TRIM25: variants seen among roughly 807,000 people sequenced by gnomAD.
The protein encoded by TRIM25 is E3 ubiquitin/ISG15 ligase TRIM25.
Under a neutral mutation model 65.2 loss-of-function variants are expected in TRIM25, and 45 were observed. The observed-to-expected ratio is 0.69, with a 90% CI of 0.54 to 0.89. The LOEUF is 0.89. Ranked by LOEUF, TRIM25 falls within the 40% of genes least tolerant of loss-of-function variation. The probability of loss-of-function intolerance (pLI) is 0.00; values close to 1 mark genes in which losing one functional copy is unlikely to be tolerated. For missense variants in TRIM25, 714 were observed against 803.7 expected, an observed-to-expected ratio of 0.89 and a Z score of 1.35; for synonymous variants, 321 against 340.4, an observed-to-expected ratio of 0.94 and a Z score of 0.63.
rs1456507108 is a variant in TRIM25, at chr17:56,890,643, G to T, written c.*1057C>A. ...CTGTCTGCATGATAGCAGGCTTCAG[G>T]GATCCAGCTTAGCTGGAGGCTTGAC... On this transcript the variant is annotated 3_prime_UTR_variant, in exon 9 of 9. Transcript: ENST00000316881. 2.2e-6 allele frequency: 1 copy of T among 456,510 alleles called. No individual in the cohort carries two copies. The highest frequency in any genetic ancestry group is 4.4e-6 in the Non-Finnish European group (1 of 226,960). The allele number at this position is 456,510 out of a possible 1,614,324, so 28.3% of individuals were successfully genotyped here. A position where few individuals can be genotyped will look rare whatever the true frequency, so the allele number is the denominator to read the frequency against.
intron 6 of TRIM25, 68 bp downstream of exon 6, chr17:56,895,858 C>T: frequency 6.3e-7 from 1 of 1,579,852 alleles, no homozygotes; most frequent in Non-Finnish European, 8.6e-7. Flanking sequence ...TCGACTCTCA[C>T]TACCAGCATT....
chr17:56,908,794 T>C (rs1192014579), intron 1 of TRIM25: 1 of 491,412 alleles, frequency 2.0e-6, no homozygotes, highest in Non-Finnish European at 3.7e-6. Context: ...AGGGTTCCAG[T>C]CCCAACTCCC....
At chr17:56,899,823 T>C (rs1909374553) in intron 4 of TRIM25, among the ~76,000 whole-genome samples, 1 of 152,204 alleles carries the variant, frequency 6.6e-6, no homozygotes, top group South Asian at 2.1e-4. Context: ...CTCAAGCCTG[T>C]AATCCCAATG....
intron 8 of TRIM25, among the ~76,000 whole-genome samples, chr17:56,893,920 A>C (rs1909234827): frequency 6.6e-6 from 1 of 152,238 alleles, no homozygotes; most frequent in African/African-American, 2.4e-5. Context: ...GGCAGGACAG[A>C]GGTCAGAATG....
chr17:56,905,803 A>G (rs1488267441), intron 2 of TRIM25, among the ~76,000 whole-genome samples: 3 of 152,114 alleles, frequency 2.0e-5, no homozygotes, highest in Non-Finnish European at 4.4e-5. Context: ...ACAAAAATAA[A>G]AATAAAAAAA....
In TRIM25 at chr17:56,890,988, C is replaced by T; in HGVS notation, c.*712G>A. On this transcript the variant is annotated 3_prime_UTR_variant, in exon 9 of 9. Coordinates refer to ENST00000316881, the MANE Select transcript of TRIM25 (RefSeq NM_005082.5). ...TCACCATGACCCTGAATCACAAATC[C>T]AACACAGGCTGATTCCAATCATGGT... 9.1e-6 allele frequency: 4 copies of T among 441,282 alleles called. No homozygotes were observed. The highest frequency in any genetic ancestry group is 1.8e-5 in the Non-Finnish European group (4 of 217,616). The allele number at this position is 441,282 out of a possible 1,614,324, so 27.3% of individuals were successfully genotyped here.
At chr17:56,904,222 A>C (rs184330877) in intron 3 of TRIM25, 33 bp downstream of exon 3, 13 of 1,571,698 alleles carry the variant, frequency 8.3e-6, no homozygotes, top group East Asian at 2.2e-5. Context: ...AAAAAAAAAA[A>C]AAAACATTCA....
Position 56,899,295 on chromosome 17 carries a change from G to A in TRIM25, c.1088-115C>T, listed in dbSNP as rs150632134. ...GTTTACACAGACAGCCATTTCCTCC[G>A]ACCTTCCCCATCCCATCGCTTACAA... On this transcript the variant is annotated intron_variant, in intron 4 of 8. Transcript: ENST00000316881. 76 of 985,466 alleles carry A rather than the reference G, an allele frequency of 7.7e-5. No homozygotes were observed. In the African/African-American group the frequency reaches 8.3e-4, roughly 11 times the overall value. 61.0% of individuals were successfully genotyped at this position (985,466 alleles called of 1,614,324 possible). A position where few individuals can be genotyped will look rare whatever the true frequency, so the allele number is the denominator to read the frequency against.
At position 56,891,087 on chromosome 17, in the gene TRIM25, G is replaced by A. The variant is rs1396976833; in HGVS notation, c.*613C>T. ...GGCGATGGGTGTGCAGGGTAGGAAG[G>A]GAACGCACTATTTTCCAGTGGAGGA... is the stretch of plus-strand genomic sequence containing the variant. On this transcript the variant is annotated 3_prime_UTR_variant, in exon 9 of 9. Coordinates refer to ENST00000316881, the MANE Select transcript of TRIM25 (RefSeq NM_005082.5). 5.4e-6 allele frequency: 2 copies of A among 370,010 alleles called. No individual in the cohort carries two copies. The highest frequency in any genetic ancestry group is 6.9e-5 in the Admixed American group (2 of 28,982). The allele number at this position is 370,010 out of a possible 1,614,324, so 22.9% of individuals were successfully genotyped here.
intron 5 of TRIM25, among the ~76,000 whole-genome samples, chr17:56,898,668 G>T (rs973117797): frequency 3.3e-5 from 5 of 152,096 alleles, no homozygotes; most frequent in Non-Finnish European, 7.4e-5. Flanking sequence ...TTTCTCAAAT[G>T]GTTCTGGGGA....
chr17:56,901,456 C>G lies in TRIM25; in HGVS notation c.1050G>C (p.Gln350His). The G allele has an allele frequency of 6.2e-7, 1 of 1,614,156 alleles. No homozygotes were observed. The highest frequency in any genetic ancestry group is 8.5e-7 in the Non-Finnish European group (1 of 1,180,024). Residue 350 changes from glutamine to histidine, a missense_variant, in exon 4 of 9, where the codon CAG (glutamine) becomes CAC (histidine). Physicochemically the swap from Gln to His is conservative, Grantham distance 24 (BLOSUM62 0). Coordinates refer to ENST00000316881, the MANE Select transcript of TRIM25 (RefSeq NM_005082.5). ...TGGGCTCCTGGAGCCGCCCGATGCA[C>G]TGCTTCAGCTCGTTTTTGAGGTCTA... ...STIDLKNELK[Q>H]CIGRLQEPTP...
Position 56,899,164 on chromosome 17 carries a change from A to G in TRIM25, c.1104T>C (p.His368=), listed in dbSNP as rs759955328. ...TGGATTTGTGTGTGGACGCTGGGTC[A>G]TGCTCTCCAGGGTCACCTGTGTCAG... ...PTPSSGDPGE[H]DPASTHKSTR... Residue 368 remains histidine (H), a synonymous_variant, in exon 5 of 9, where the codon CAT becomes CAC. Coordinates refer to ENST00000316881, the MANE Select transcript of TRIM25 (RefSeq NM_005082.5). 1.2e-6 allele frequency: 2 copies of G among 1,613,864 alleles called. No homozygotes were observed. The highest frequency in any genetic ancestry group is 4.5e-5 in the East Asian group (2 of 44,878).
In TRIM25 at chr17:56,904,406, G is replaced by C. The variant is rs533748559; in HGVS notation, c.776C>G (p.Ser259Trp). The change falls in exon 3 of 9, where the codon TCG becomes TGG. Residue 259 changes from serine to tryptophan, a missense_variant. Coordinates refer to ENST00000316881, the MANE Select transcript of TRIM25 (RefSeq NM_005082.5). ...CTCCTCTTCCTTTATCTTCCTTGTC[G>C]AGGTGGTCTCTGAGGCGTCCAAGAG... ...KALLDASETT[S>W]TRKIKEEEKR... The C allele has an allele frequency of 1.9e-6, 3 of 1,613,878 alleles. No homozygotes were observed. The highest frequency in any genetic ancestry group is 1.7e-5 in the Admixed American group (1 of 59,992).
At chr17:56,904,193 A>G in intron 3 of TRIM25, 62 bp downstream of exon 3, 2 of 1,442,268 alleles carry the variant, frequency 1.4e-6, no homozygotes, top group Non-Finnish European at 1.9e-6. Context: ...CCCTATCATC[A>G]ACAGCATGAC....
chr17:56,892,253 A>G, intron 8 of TRIM25, 24 bp from the exon 9 acceptor site: 1 of 1,564,562 alleles, frequency 6.4e-7, no homozygotes, highest in Non-Finnish European at 8.7e-7. Flanking sequence ...ACCCCAAGGA[A>G]TTAATTACAA....
rs1348659038 is a variant in TRIM25, at chr17:56,913,646, C to A, written c.343G>T (p.Ala115Ser). ...ATGCACACCAAGCACGTCTTCACGGCGGCCTCCTTCAGGCAGTGGTCGCAG... is the reference window on the plus strand; with the variant it reads ...ATGCACACCAAGCACGTCTTCACGGAGGCCTCCTTCAGGCAGTGGTCGCAG... ...VACDHCLKEA[A>S]VKTCLVCMAS... The change falls in exon 1 of 9, where the codon GCC becomes TCC. Residue 115 changes from alanine (A) to serine (S), a missense_variant. Physicochemically the swap from Ala to Ser is moderately conservative, Grantham distance 99 (BLOSUM62 1). This residue lies in a region of TRIM25 where 291 missense variants were observed against 281.8 expected (regional missense o/e 1.03). Transcript: ENST00000316881. This position sits in a 1 kb window ranked among gnomAD's most constrained non-coding sequence, Gnocchi z 6.1. The A allele has an allele frequency of 6.3e-7, 1 of 1,598,586 alleles. No homozygotes were observed.
At position 56,908,548 on chromosome 17, in the gene TRIM25, T is replaced by C. The variant is rs1462940055; in HGVS notation, c.613A>G (p.Lys205Glu). 6.2e-7 allele frequency: 1 copy of C among 1,613,950 alleles called. No homozygotes were observed. The highest frequency in any genetic ancestry group is 1.7e-5 in the Admixed American group (1 of 60,020). ...ATCTGACTGTACATGACAGTTAGTT[T>C]GTGCCTCAGGGTGGCCTGCAGGGAA... ...SADLEATLRH[K>E]LTVMYSQING... Residue 205 changes from lysine to glutamate, a missense_variant, in exon 2 of 9, where the codon AAA becomes GAA. Lys to Glu is a moderately conservative substitution (Grantham distance 56, BLOSUM62 1). Around this residue, in one of 3 missense-constraint regions of TRIM25, gnomAD observed 291 missense variants for 281.8 expected, o/e 1.03. Coordinates refer to ENST00000316881, the MANE Select transcript of TRIM25 (RefSeq NM_005082.5).
chr17:56,906,880 G>A (rs1909531770), intron 2 of TRIM25, among the ~76,000 whole-genome samples: 1 of 152,182 alleles, frequency 6.6e-6, no homozygotes. Flanking sequence ...CTTTTGGTAA[G>A]AGAACATCCC....
At position 56,901,493 on chromosome 17, in the gene TRIM25, T is replaced by C. The variant is rs2144356111; in HGVS notation, c.1013A>G (p.His338Arg). 6.2e-7 allele frequency: 1 copy of C among 1,614,136 alleles called. No individual in the cohort carries two copies. The highest frequency in any genetic ancestry group is 8.5e-7 in the Non-Finnish European group (1 of 1,180,028). Reference protein sequence around the residue: ...ELNHKLIKGIHQSTIDLKNEL... With the variant: ...ELNHKLIKGIRQSTIDLKNEL... ...GTTTTTGAGGTCTATGGTGCTCTGG[T>C]GGATGCCTTTTATCAGCTTGTGGTT... The change falls in exon 4 of 9, where the codon CAC (histidine) becomes CGC (arginine). Residue 338 changes from histidine (H) to arginine (R), a missense_variant. By Grantham distance (29) the His-to-Arg change is conservative. Transcript: ENST00000316881.
Sources: allele counts gnomAD v4.1 joint callset (sites outside exome capture counted in the v4.1 genomes callset), GRCh38; gene constraint gnomAD v4.1.1; regional missense constraint gnomAD v4.1.1; non-coding constraint Gnocchi (gnomAD v3.1); transcripts MANE v1.5; gene names NCBI Gene and HGNC (gene_info 2026-07-23, HGNC 2026-07-21).